Variants in NIPBL observed in about 807,000 individuals in gnomAD.
The protein encoded by NIPBL is nipped-B-like protein.
NIPBL carries 19 observed loss-of-function variants against 321.8 expected under a neutral mutation model. The ratio of observed to expected loss-of-function variants is 0.06; its 90% CI spans 0.04 to 0.09. The LOEUF is 0.09. Ranked by LOEUF, NIPBL falls within the 10% of genes least tolerant of loss-of-function variation. NIPBL has a pLI of 1.00. For synonymous variants in NIPBL, 1,106 were observed against 1,114.1 expected (o/e 0.99, Z 0.14); for missense variants, 2,210 against 3,327.0 (o/e 0.66, Z 8.26).
chr5:36,892,143 C>A (rs916818722), intron 1 of NIPBL, among the ~76,000 whole-genome samples: 2 of 152,140 alleles, frequency 1.3e-5, no homozygotes, highest in Admixed American at 1.3e-4. Flanking sequence ...CCTAGAAGAT[C>A]TCTCCAGTGT....
Position 37,017,093 on chromosome 5 carries a change from T to C in NIPBL, c.4851T>C (p.Ala1617=). The C allele has an allele frequency of 6.2e-7, 1 of 1,613,062 alleles. No homozygotes were observed. The highest frequency in any genetic ancestry group is 1.1e-5 in the South Asian group (1 of 90,968). Residue 1617 remains alanine (A), a synonymous_variant, in exon 24 of 47, where the codon GCT becomes GCC. Transcript: ENST00000282516. The part of the protein sequence containing the change: ...VASLDYLGTV[A]ARLRKDAVTS... ...CTCTTGATTACCTTGGAACTGTTGCTGCACGGCTAAGAAAAGATGCTGTTA... is the reference window on the plus strand; with the variant it reads ...CTCTTGATTACCTTGGAACTGTTGCCGCACGGCTAAGAAAAGATGCTGTTA...
At chr5:36,976,455 A>G (rs761605859) in intron 9 of NIPBL, 53 bp downstream of exon 9, 10 of 1,584,506 alleles carry the variant, frequency 6.3e-6, no homozygotes, top group Admixed American at 1.7e-5. Flanking sequence ...ATGTAATTAT[A>G]GTGTCAAAAA....
rs781078597 is a variant in NIPBL, at chr5:36,918,887, G to A, written c.-79-34731G>A. ...CCAAGGATGAAACCCACTTGATCAC[G>A]GTGGATAAGCTTTTTGATGTGCTGC... On this transcript the variant is annotated intron_variant, in intron 1 of 46. Coordinates refer to ENST00000282516, the MANE Select transcript of NIPBL (RefSeq NM_133433.4). Among the ~76,000 whole-genome samples, 43 of 152,068 alleles carry A rather than the reference G, an allele frequency of 2.8e-4. 1 individual carries two copies. Among genetic ancestry groups the A allele is most frequent in the Non-Finnish European group, 1.3e-4 (9 of 68,010 alleles).
intron 8 of NIPBL, among the ~76,000 whole-genome samples, chr5:36,973,378 G>T (rs1743088080): frequency 6.7e-6 from 1 of 148,756 alleles, no homozygotes; most frequent in Admixed American, 6.7e-5. Flanking sequence ...TTTAAGTTCT[G>T]GGATACATGT....
At chr5:36,927,611 T>C (rs1247353304) in intron 1 of NIPBL, among the ~76,000 whole-genome samples, 4 of 152,192 alleles carry the variant, frequency 2.6e-5, no homozygotes, top group Middle Eastern at 3.2e-3. Context: ...ATAAGATTTT[T>C]GGCCAAAGGA....
At chr5:36,978,525 T>G (rs774058623) in intron 9 of NIPBL, among the ~76,000 whole-genome samples, 3 of 151,884 alleles carry the variant, frequency 2.0e-5, no homozygotes, top group Non-Finnish European at 2.9e-5. Context: ...ATACTTTCTC[T>G]CATTCTCTAG....
chr5:36,999,678 G>A (rs1746558172), intron 11 of NIPBL, among the ~76,000 whole-genome samples: 1 of 152,124 alleles, frequency 6.6e-6, no homozygotes, highest in African/African-American at 2.4e-5. Context: ...ATGGGGAAAA[G>A]ATTGAAGGTA....
At chr5:36,892,022 T>C (rs988011154) in intron 1 of NIPBL, among the ~76,000 whole-genome samples, 3 of 152,124 alleles carry the variant, frequency 2.0e-5, no homozygotes, top group Admixed American at 2.0e-4. Context: ...AAAAATATAG[T>C]GTACCAAAAC....
intron 20 of NIPBL, among the ~76,000 whole-genome samples, chr5:37,009,499 A>G (rs1405590526): frequency 6.6e-6 from 1 of 152,158 alleles, no homozygotes; most frequent in Non-Finnish European, 1.5e-5. Context: ...TTTTATCTTA[A>G]TCATTTTTTG....
At chr5:37,001,734 A>C (rs1746827970) in intron 14 of NIPBL, among the ~76,000 whole-genome samples, 1 of 152,198 alleles carries the variant, frequency 6.6e-6, no homozygotes, top group Non-Finnish European at 1.5e-5. Flanking sequence ...GTTAGAATAC[A>C]GTAGGATTAA....
In NIPBL at chr5:37,059,145, T is replaced by A. The variant is rs1215494111; in HGVS notation, c.7665T>A (p.Asn2555Lys). Reference protein sequence around the residue: ...LLLMLKQHLKNLCGFSDSKIQ... With the variant: ...LLLMLKQHLKKLCGFSDSKIQ... ...TCATGTTAAAACAACATTTGAAGAA[T>A]CTTTGTGGATTTTCTGATAGGTAAG... The change falls in exon 44 of 47, where the codon AAT becomes AAA. Residue 2555 changes from asparagine to lysine, a missense_variant. This residue lies in a region of NIPBL where 159 missense variants were observed against 319.2 expected (regional missense o/e 0.50). Coordinates refer to ENST00000282516, the MANE Select transcript of NIPBL (RefSeq NM_133433.4). 6.2e-7 allele frequency: 1 copy of A among 1,614,070 alleles called. No individual in the cohort carries two copies. Among genetic ancestry groups the A allele is most frequent in the Non-Finnish European group, 8.5e-7 (1 of 1,180,020 alleles).
rs998783914 is a variant in NIPBL at position 36,895,873 on chromosome 5, C to T, written c.-80+18695C>T. On this transcript the variant is annotated intron_variant, in intron 1 of 46. Transcript: ENST00000282516. The stretch of plus-strand genomic sequence containing the variant: ...CTAGATACAAGTTCCTTATCAGATA[C>T]GTGATTTGCAATATTTGCTCCCATT... Among the ~76,000 whole-genome samples the T allele has an allele frequency of 3.3e-5, 5 of 152,266 alleles. No homozygotes were observed. In the Middle Eastern group the frequency reaches 0.01, roughly 311 times the overall value.
intron 1 of NIPBL, among the ~76,000 whole-genome samples, chr5:36,877,825 C>A (rs915006330): frequency 1.3e-5 from 2 of 152,144 alleles, no homozygotes; most frequent in African/African-American, 4.8e-5. Flanking sequence ...TTAAATCGTC[C>A]ACATGAATAT....
intron 1 of NIPBL, among the ~76,000 whole-genome samples, chr5:36,900,710 G>T (rs1168064669): frequency 1.3e-5 from 2 of 151,904 alleles, no homozygotes; most frequent in Non-Finnish European, 2.9e-5. Flanking sequence ...ATAAAGAAAT[G>T]AAGTTGCGAG....
chr5:36,948,364 A>G (rs16903415), intron 1 of NIPBL, among the ~76,000 whole-genome samples: 5,154 of 152,058 alleles, frequency 0.034, 288 homozygotes, highest in African/African-American at 0.11. Context: ...AACCTGATAC[A>G]GCATTTTAAA....
At chr5:37,034,892 CA>C (rs1190469101) in intron 32 of NIPBL, among the ~76,000 whole-genome samples, 1 of 152,058 alleles carries the variant, frequency 6.6e-6, no homozygotes, top group East Asian at 1.9e-4. Context: ...TGTCATGAGT[CA>C]AAATTTATGA....
chr5:37,049,299 C>A lies in NIPBL; in HGVS notation c.6952C>A (p.Gln2318Lys). 6.2e-7 allele frequency: 1 copy of A among 1,613,890 alleles called. No individual in the cohort carries two copies. The highest frequency in any genetic ancestry group is 8.5e-7 in the Non-Finnish European group (1 of 1,179,916). Residue 2318 changes from glutamine (Q) to lysine (K), a missense_variant and splice_region_variant, in exon 40 of 47, where the codon CAG becomes AAG. Coordinates refer to ENST00000282516, the MANE Select transcript of NIPBL (RefSeq NM_133433.4). ...TLNQGLIHPV[Q>K]CVPYLIAMGT... ...AAATCAAGGTCTTATTCATCCAGTT[C>A]AGGTAAGCATGTTTTATGGCAGCAG...
Position 36,961,496 on chromosome 5 carries a change from C to G in NIPBL, c.371C>G (p.Ser124Cys), listed in dbSNP as rs1390859196. 1 of 1,603,600 alleles carries G rather than the reference C, an allele frequency of 6.2e-7. No homozygotes were observed. The highest frequency in any genetic ancestry group is 1.3e-5 in the African/African-American group (1 of 74,724). The change falls in exon 5 of 47, where the codon TCT becomes TGT. Residue 124 changes from serine to cysteine, a missense_variant. Around this residue, in one of 14 missense-constraint regions of NIPBL, gnomAD observed 464 missense variants for 529.5 expected, o/e 0.88. Coordinates refer to ENST00000282516, the MANE Select transcript of NIPBL (RefSeq NM_133433.4). ...GTGTTTTGCATAGGAATGATGATGT[C>G]TCAGTATAAACTTTCTCAGAATTCC... The part of the protein sequence containing the change: ...NRYVQSGMMM[S>C]QYKLSQNSMH...
chr5:36,907,428 G>A (rs933987560), intron 1 of NIPBL, among the ~76,000 whole-genome samples: 9 of 152,002 alleles, frequency 5.9e-5, no homozygotes, highest in Admixed American at 2.6e-4. Context: ...TAAAAGTTAC[G>A]TAGATACCAG....
Sources: gnomAD v4.1 joint callset for allele counts (sites outside exome capture counted in the v4.1 genomes callset) on GRCh38, gnomAD v4.1.1 for gene constraint, gnomAD v4.1.1 regional missense constraint, MANE v1.5 for transcripts, NCBI Gene and HGNC (gene_info 2026-07-23, HGNC 2026-07-21) for gene names.